The following ITSN1 variants were observed in gnomAD, a reference collection of about 807,000 sequenced individuals.
ITSN1 encodes the protein intersectin-1.
In ITSN1, 58 loss-of-function variants were observed where a neutral mutation model predicts 239.8. The ratio of observed to expected loss-of-function variants is 0.24; its 90% CI spans 0.20 to 0.30. ITSN1 has a LOEUF of 0.30. Ranked by LOEUF, ITSN1 falls within the 10% of genes least tolerant of loss-of-function variation. The pLI, the probability that ITSN1 is intolerant of heterozygous loss-of-function variation, is 1.00. For synonymous variants in ITSN1, 780 were observed against 770.8 expected (o/e 1.01, Z -0.20); for missense variants, 1,558 against 2,103.3 (o/e 0.74, Z 5.07).
At chr21:33,668,592 A>G (rs558021635) in intron 1 of ITSN1, among the ~76,000 whole-genome samples, 18 of 152,342 alleles carry the variant, frequency 1.2e-4, no homozygotes, top group African/African-American at 3.8e-4. Context: ...GGGATGCTCT[A>G]GGCAGTTTGC....
At chr21:33,792,772 G>T (rs547641039) in intron 16 of ITSN1, among the ~76,000 whole-genome samples, 1 of 152,056 alleles carries the variant, frequency 6.6e-6, no homozygotes. Context: ...CTGCCATAGG[G>T]AACAGTCCAA....
intron 16 of ITSN1, among the ~76,000 whole-genome samples, chr21:33,791,307 C>A (rs2071112960): frequency 6.6e-6 from 1 of 152,164 alleles, no homozygotes; most frequent in African/African-American, 2.4e-5. Flanking sequence ...AAATCTGGAT[C>A]ATAAGGTGCC....
intron 4 of ITSN1, among the ~76,000 whole-genome samples, chr21:33,726,689 T>A (rs950956928): frequency 6.6e-6 from 1 of 151,994 alleles, no homozygotes; most frequent in Admixed American, 6.6e-5. Flanking sequence ...GCCTGGCTAA[T>A]TTTTGTATTT....
Position 33,823,597 on chromosome 21 carries a change from G to T in ITSN1, c.3127G>T (p.Val1043Leu). ...KKDGDWWTGT[V>L]GDKAGVFPSN... ...AGATGGTGACTGGTGGACAGGAACA[G>T]TGGGCGACAAGGCCGGAGTCTTCCC... Residue 1043 changes from valine to leucine, a missense_variant, in exon 25 of 40, where the codon GTG becomes TTG. This residue lies in a region of ITSN1 where 576 missense variants were observed against 893.3 expected (regional missense o/e 0.64). Transcript: ENST00000381318. The T allele has an allele frequency of 6.2e-7, 1 of 1,614,246 alleles. No homozygotes were observed. Among genetic ancestry groups the T allele is most frequent in the South Asian group, 1.1e-5 (1 of 91,084 alleles).
At chr21:33,687,987 A>G (rs1191719547) in intron 1 of ITSN1, among the ~76,000 whole-genome samples, 1 of 152,236 alleles carries the variant, frequency 6.6e-6, no homozygotes. Context: ...GCAGATTTCT[A>G]GAATATGATT....
intron 30 of ITSN1, among the ~76,000 whole-genome samples, chr21:33,858,286 G>A (rs1979755902): frequency 6.6e-6 from 1 of 152,216 alleles, no homozygotes; most frequent in African/African-American, 2.4e-5. Context: ...TACCTATGCA[G>A]ATGAAGGGAC....
rs2148502044 is a variant in ITSN1, at chr21:33,865,501, G to A, written c.4074+167G>A. Among the ~76,000 whole-genome samples the A allele has an allele frequency of 6.6e-6, 1 of 152,346 alleles. No homozygotes were observed. The highest frequency in any genetic ancestry group is 6.5e-5 in the Admixed American group (1 of 15,304). On this transcript the variant is annotated intron_variant, in intron 32 of 39. Transcript: ENST00000381318. The surrounding 1 kb of genome is among the most constrained non-coding windows in gnomAD (Gnocchi z 4.4). ...GGACTGGCACTCACTGGCAAGTGTG[G>A]CTGTCACCAAAGGGGTGGGCTTGGA...
At chr21:33,677,717 C>A (rs2090683200) in intron 1 of ITSN1, among the ~76,000 whole-genome samples, 1 of 152,158 alleles carries the variant, frequency 6.6e-6, no homozygotes. Flanking sequence ...ATAGCGCTGT[C>A]AAACACCCAT....
intron 1 of ITSN1, among the ~76,000 whole-genome samples, chr21:33,665,824 A>T (rs1277659794): frequency 1.3e-5 from 2 of 152,232 alleles, no homozygotes; most frequent in African/African-American, 4.8e-5. Flanking sequence ...TATATGGTAC[A>T]GTATAAACGT....
chr21:33,850,439 C>G (rs544284927), intron 29 of ITSN1, among the ~76,000 whole-genome samples: 1 of 152,202 alleles, frequency 6.6e-6, no homozygotes, highest in African/African-American at 2.4e-5. Context: ...CATTAAAAAT[C>G]GCATCTTGAG....
At chr21:33,724,674 G>A (rs1440494215) in intron 4 of ITSN1, among the ~76,000 whole-genome samples, 1 of 152,122 alleles carries the variant, frequency 6.6e-6, no homozygotes, top group Non-Finnish European at 1.5e-5. Context: ...GAGGTGCTGC[G>A]GATATAGCAA....
At chr21:33,700,304 C>T (rs1008734702) in intron 1 of ITSN1, among the ~76,000 whole-genome samples, 1 of 151,876 alleles carries the variant, frequency 6.6e-6, no homozygotes, top group East Asian at 1.9e-4. Flanking sequence ...AGGCTGGTCT[C>T]GAACTCCTAA....
At chr21:33,693,565 C>T (rs1178478405) in intron 1 of ITSN1, among the ~76,000 whole-genome samples, 1 of 152,160 alleles carries the variant, frequency 6.6e-6, no homozygotes, top group African/African-American at 2.4e-5. Flanking sequence ...CTATGTTGGT[C>T]AGGCTGGTCT....
chr21:33,701,529 A>G (rs2092009405), intron 1 of ITSN1, among the ~76,000 whole-genome samples: 1 of 151,904 alleles, frequency 6.6e-6, no homozygotes, highest in Non-Finnish European at 1.5e-5. Flanking sequence ...ATGGTGACGC[A>G]CGCCTGTAAT....
chr21:33,804,198 C>T (rs1428339359), intron 20 of ITSN1, among the ~76,000 whole-genome samples: 2 of 151,950 alleles, frequency 1.3e-5, no homozygotes, highest in Non-Finnish European at 2.9e-5. Flanking sequence ...ATAATATGTT[C>T]GATTTTTAGA....
intron 16 of ITSN1, among the ~76,000 whole-genome samples, chr21:33,788,062 T>C (rs935182986): frequency 6.6e-6 from 1 of 152,188 alleles, no homozygotes; most frequent in Non-Finnish European, 1.5e-5. Context: ...GAACTCAGTC[T>C]TTTGAAAAAA....
rs963714286 is a variant in ITSN1, at chr21:33,865,446, C to T, written c.4074+112C>T. 3.4e-6 allele frequency: 3 copies of T among 880,130 alleles called. No homozygotes were observed. Among genetic ancestry groups the T allele is most frequent in the African/African-American group, 3.4e-5 (2 of 58,484 alleles). The allele number at this position is 880,130 out of a possible 1,614,324, so 54.5% of individuals were successfully genotyped here. On this transcript the variant is annotated intron_variant, in intron 32 of 39. Coordinates refer to ENST00000381318, the MANE Select transcript of ITSN1 (RefSeq NM_003024.3). This position sits in a 1 kb window ranked among gnomAD's most constrained non-coding sequence, Gnocchi z 4.4. ...CAAGAGTGTTCCCACTAGAGGCCAA[C>T]AGGGCCTAGGGTCTTGGCTAAGCCT...
At chr21:33,817,457 G>A in intron 22 of ITSN1, 1 of 1,304,366 alleles carries the variant, frequency 7.7e-7, no homozygotes, top group Non-Finnish European at 1.0e-6. Context: ...ATGCCCCCAG[G>A]CAGAATTCAT....
intron 1 of ITSN1, among the ~76,000 whole-genome samples, chr21:33,704,440 C>T (rs188549718): frequency 6.6e-5 from 10 of 152,276 alleles, no homozygotes; most frequent in African/African-American, 1.9e-4. Context: ...TGGTGAAGTT[C>T]GTATTCCTAA....
Sources: allele counts gnomAD v4.1 joint callset (sites outside exome capture counted in the v4.1 genomes callset), GRCh38; gene constraint gnomAD v4.1.1; regional missense constraint gnomAD v4.1.1; non-coding constraint Gnocchi (gnomAD v3.1); transcripts MANE v1.5; gene names NCBI Gene and HGNC (gene_info 2026-07-23, HGNC 2026-07-21).